The following GLRB variants were observed in gnomAD, a reference collection of about 807,000 sequenced individuals.
The protein encoded by GLRB is glycine receptor subunit beta.
A neutral mutation model predicts 54.2 loss-of-function variants in GLRB; 33 were observed. The ratio of observed to expected loss-of-function variants is 0.61; its 90% CI spans 0.46 to 0.81. The LOEUF (loss-of-function observed/expected upper bound fraction) is 0.81. GLRB is among the 40% of genes least tolerant of loss of function. GLRB has a pLI of 0.00. For missense variants in GLRB, 572 were observed against 584.6 expected (o/e 0.98, Z 0.22); for synonymous variants, 209 against 208.2 (o/e 1.00, Z -0.03).
chr4:157,096,465 C>A (rs1021364418), intron 2 of GLRB, among the ~76,000 whole-genome samples: 12 of 152,150 alleles, frequency 7.9e-5, no homozygotes, highest in African/African-American at 2.9e-4. Context: ...ATAATTGAGG[C>A]CTGCAGATTC....
chr4:157,086,688 G>A (rs1734425137), intron 2 of GLRB, among the ~76,000 whole-genome samples: 1 of 152,106 alleles, frequency 6.6e-6, no homozygotes, highest in African/African-American at 2.4e-5. Flanking sequence ...GAGAAACAGA[G>A]GAAGATAAGT....
chr4:157,146,024 CTTT>C (rs547388421), intron 8 of GLRB, among the ~76,000 whole-genome samples: 1 of 144,036 alleles, frequency 6.9e-6, no homozygotes. Context: ...TGATTTTGAG[CTTT>C]TTTTTTTTTG....
chr4:157,081,193 G>T (rs551305031), intron 2 of GLRB, among the ~76,000 whole-genome samples: 1 of 152,046 alleles, frequency 6.6e-6, no homozygotes, highest in Non-Finnish European at 1.5e-5. Flanking sequence ...AATATTTTAG[G>T]TAAGTCCTTG....
At chr4:157,156,153 G>A (rs1174234863) in intron 9 of GLRB, among the ~76,000 whole-genome samples, 1 of 152,118 alleles carries the variant, frequency 6.6e-6, no homozygotes, top group Non-Finnish European at 1.5e-5. Context: ...TTGGTGTTTT[G>A]ATAGAAATTA....
At chr4:157,159,354 A>G (rs1737374129) in intron 9 of GLRB, among the ~76,000 whole-genome samples, 1 of 152,038 alleles carries the variant, frequency 6.6e-6, no homozygotes, top group Non-Finnish European at 1.5e-5. Flanking sequence ...CTTGGCCAGA[A>G]CTTCCAACAC....
chr4:157,151,140 C>T (rs1737007654), intron 8 of GLRB, among the ~76,000 whole-genome samples: 1 of 151,988 alleles, frequency 6.6e-6, no homozygotes, highest in East Asian at 1.9e-4. Flanking sequence ...TTAATATCTT[C>T]TAGGTTATTA....
intron 2 of GLRB, among the ~76,000 whole-genome samples, chr4:157,087,473 A>T (rs1009404642): frequency 1.3e-5 from 2 of 152,130 alleles, no homozygotes; most frequent in African/African-American, 4.8e-5. Context: ...ATCTTTTATG[A>T]TACAATGCGG....
chr4:157,091,498 AT>A (rs1734614451), intron 2 of GLRB: 1 of 152,186 alleles, frequency 6.6e-6, no homozygotes, highest in Non-Finnish European at 1.5e-5. Context: ...AGTAAATAAC[AT>A]TTTATTATTA....
At chr4:157,107,232 A>G (rs1735259219) in intron 2 of GLRB, among the ~76,000 whole-genome samples, 1 of 152,050 alleles carries the variant, frequency 6.6e-6, no homozygotes, top group South Asian at 2.1e-4. Context: ...TAGGCCAATT[A>G]ATATCTCTAC....
chr4:157,116,496 T>G (rs1735613564), intron 2 of GLRB, among the ~76,000 whole-genome samples: 1 of 151,590 alleles, frequency 6.6e-6, no homozygotes, highest in African/African-American at 2.4e-5. Context: ...TGATCTAATT[T>G]AAATCACTTA....
intron 9 of GLRB, among the ~76,000 whole-genome samples, chr4:157,153,934 A>G (rs1737124997): frequency 6.6e-6 from 1 of 152,178 alleles, no homozygotes; most frequent in South Asian, 2.1e-4. Flanking sequence ...AGACTAGTAT[A>G]CCGCATGCGG....
rs866548513 is a variant in GLRB, at chr4:157,101,877, A to T, written c.123-18679A>T. On this transcript the variant is annotated intron_variant, in intron 2 of 9. Transcript: ENST00000264428. The stretch of plus-strand genomic sequence containing the variant: ...TTAAAAAACTAGATGTATTTTATTA[A>T]TTTTTAAAGTTGAAATATTTAGAAC... Among the ~76,000 whole-genome samples the T allele has an allele frequency of 5.3e-5, 8 of 151,148 alleles. No homozygotes were observed. The East Asian group carries it at 1.4e-3, about 26-fold the overall frequency.
chr4:157,101,841 G>A (rs1159740935), intron 2 of GLRB, among the ~76,000 whole-genome samples: 1 of 148,454 alleles, frequency 6.7e-6, no homozygotes, highest in Non-Finnish European at 1.5e-5. Flanking sequence ...GGGGTTGGGT[G>A]GGGGCGGTTG....
At chr4:157,083,385 C>G (rs1734295109) in intron 2 of GLRB, among the ~76,000 whole-genome samples, 1 of 143,182 alleles carries the variant, frequency 7.0e-6, no homozygotes, top group South Asian at 2.4e-4. Flanking sequence ...ATATTTTTGG[C>G]TCCAAGTTAA....
chr4:157,076,986 G>A (rs2343765), intron 1 of GLRB, among the ~76,000 whole-genome samples: 4,538 of 94,154 alleles, frequency 0.048, 290 homozygotes, highest in African/African-American at 0.12. Flanking sequence ...GGGGGGGGGG[G>A]AAGATGAAAA....
chr4:157,126,121 G>A (rs73856837), intron 4 of GLRB, among the ~76,000 whole-genome samples: 23,191 of 151,784 alleles, frequency 0.15, 1,949 homozygotes, highest in African/African-American at 0.23. Flanking sequence ...TTCATCAGTG[G>A]ATAATGTTGA....
intron 2 of GLRB, among the ~76,000 whole-genome samples, chr4:157,111,771 C>T (rs949214823): frequency 1.3e-5 from 2 of 151,930 alleles, no homozygotes; most frequent in Admixed American, 1.3e-4. Context: ...GTCCCTCATT[C>T]ATTTCTTCAC....
chr4:157,101,287 A>G (rs549556916), intron 2 of GLRB, among the ~76,000 whole-genome samples: 2 of 152,106 alleles, frequency 1.3e-5, no homozygotes, highest in African/African-American at 4.8e-5. Flanking sequence ...CATAAAATAT[A>G]AATAATATAT....
chr4:157,103,689 C>G (rs1735119220), intron 2 of GLRB, among the ~76,000 whole-genome samples: 1 of 152,004 alleles, frequency 6.6e-6, no homozygotes, highest in African/African-American at 2.4e-5. Flanking sequence ...TGGGCTGTCT[C>G]TCCATTTGTT....
Sources: gnomAD v4.1 joint callset for allele counts (sites outside exome capture counted in the v4.1 genomes callset) on GRCh38, gnomAD v4.1.1 for gene constraint, MANE v1.5 for transcripts, NCBI Gene and HGNC (gene_info 2026-07-23, HGNC 2026-07-21) for gene names.